AACS: variants seen among roughly 807,000 people sequenced by gnomAD.
The protein encoded by AACS is acetoacetyl-CoA synthetase.
AACS carries 69 observed loss-of-function variants against 83.1 expected under a neutral mutation model. The observed-to-expected ratio is 0.83, with a 90% CI of 0.68 to 1.01. The LOEUF is 1.01. AACS is among the 50% of genes least tolerant of loss of function. The pLI is 0.00. For synonymous variants in AACS, 333 were observed against 343.4 expected, an observed-to-expected ratio of 0.97 and a Z score of 0.33; for missense variants, 866 against 882.2, an observed-to-expected ratio of 0.98 and a Z score of 0.23.
intron 14 of AACS, among the ~76,000 whole-genome samples, 165 bp from the exon 15 acceptor site, chr12:125,133,838 G>A (rs1353801326): frequency 1.3e-5 from 2 of 152,240 alleles, no homozygotes; most frequent in African/African-American, 2.4e-5. Flanking sequence ...TAGAGGGCAT[G>A]TTCCTTGGGG....
chr12:125,122,031 G>T (rs1342343585), intron 10 of AACS: 6 of 152,310 alleles, frequency 3.9e-5, no homozygotes, highest in Non-Finnish European at 5.9e-5. Flanking sequence ...GGGAGTCCTC[G>T]AGAGTCCTCG....
At chr12:125,115,724 C>T (rs1957041978) in intron 9 of AACS, among the ~76,000 whole-genome samples, 2 of 151,798 alleles carry the variant, frequency 1.3e-5, no homozygotes, top group Non-Finnish European at 2.9e-5. Flanking sequence ...GAGTATCAGA[C>T]CCCCCACCCA....
intron 1 of AACS, among the ~76,000 whole-genome samples, chr12:125,069,746 T>A (rs1955808688): frequency 6.6e-6 from 1 of 152,200 alleles, no homozygotes. Context: ...GCACGTCGGC[T>A]CTCTGTGCAA....
intron 3 of AACS, among the ~76,000 whole-genome samples, chr12:125,080,325 TA>T (rs893158480): frequency 2.0e-5 from 3 of 151,884 alleles, no homozygotes; most frequent in Admixed American, 6.6e-5. Flanking sequence ...TGTGAATCCT[TA>T]AAAAAAACCC....
chr12:125,068,939 A>C lies in AACS; in HGVS notation c.133+3222A>C, dbSNP rs537067625. 2.5e-4 allele frequency among the ~76,000 whole-genome samples: 38 copies of C among 151,644 alleles called. No individual in the cohort carries two copies. In the South Asian group the frequency reaches 2.7e-3, roughly 11 times the overall value. On this transcript the variant is annotated intron_variant, in intron 1 of 17. Transcript: ENST00000316519. The stretch of plus-strand genomic sequence containing the variant: ...ACTGCAACCTCCGCCTCCCGGGTTC[A>C]AGCAGTTCTCCTGCCTCAGCCTCCT...
Position 125,124,949 on chromosome 12 carries a change from T to C in AACS, c.1234T>C (p.Ser412Pro). Residue 412 changes from serine to proline, a missense_variant, in exon 12 of 18, where the codon TCC becomes CCC. By Grantham distance (74) the Ser-to-Pro change is moderately conservative. Transcript: ENST00000316519. ...GCTCCACACGATCCTGTCCACTGGC[T>C]CCCCACTGAAAGCCCAGAGCTACGA... ...QMLHTILSTGSPLKAQSYEYV... is the reference protein window; with the variant it reads ...QMLHTILSTGPPLKAQSYEYV... The C allele has an allele frequency of 6.2e-7, 1 of 1,614,180 alleles. No homozygotes were observed. Among genetic ancestry groups the C allele is most frequent in the Non-Finnish European group, 8.5e-7 (1 of 1,180,028 alleles).
intron 7 of AACS, among the ~76,000 whole-genome samples, chr12:125,104,858 G>A (rs913895650): frequency 5.9e-5 from 9 of 152,192 alleles, no homozygotes; most frequent in Admixed American, 4.6e-4. Context: ...TATAAGAAAA[G>A]AGGTTTAATT....
intron 9 of AACS, among the ~76,000 whole-genome samples, chr12:125,115,846 T>C (rs1957044056): frequency 6.6e-6 from 1 of 151,810 alleles, no homozygotes; most frequent in South Asian, 2.1e-4. Context: ...GACAGACCCC[T>C]GGGATTACAC....
intron 8 of AACS, among the ~76,000 whole-genome samples, chr12:125,110,189 TTGTGTGTGTGTGTGTGTG>T (rs59856503): frequency 0.023 from 2,778 of 118,982 alleles, 91 homozygotes; most frequent in African/African-American, 0.059. Flanking sequence ...CCGGCTAAGT[TTGTGTGTGTGTGTGTGTG>T]TGTGTGTGTG....
In AACS at chr12:125,107,259, T is replaced by G; in HGVS notation, c.906T>G (p.His302Gln). The change falls in exon 8 of 18, where the codon CAT (histidine) becomes CAG (glutamine). Residue 302 changes from histidine to glutamine, a missense_variant. Physicochemically the swap from His to Gln is conservative, Grantham distance 24. Coordinates refer to ENST00000316519, the MANE Select transcript of AACS (RefSeq NM_023928.5). Reference sequence around the variant, plus strand: ...CGGGCGCACCCAAGTGCATGGTGCATTCCGCTGGGGTAGGTCTCTGGGGAA... The same window carrying G: ...CGGGCGCACCCAAGTGCATGGTGCAGTCCGCTGGGGTAGGTCTCTGGGGAA... ...GTTGAPKCMVHSAGGTLIQHL... is the reference protein window; with the variant it reads ...GTTGAPKCMVQSAGGTLIQHL... 3 of 1,613,750 alleles carry G rather than the reference T, an allele frequency of 1.9e-6. No individual in the cohort carries two copies. The highest frequency in any genetic ancestry group is 2.5e-6 in the Non-Finnish European group (3 of 1,180,006).
intron 8 of AACS, among the ~76,000 whole-genome samples, chr12:125,108,272 C>T (rs1035955687): frequency 2.6e-5 from 4 of 152,232 alleles, no homozygotes; most frequent in Admixed American, 6.5e-5. Flanking sequence ...AGGTGCCGCA[C>T]AGTTGCTCTT....
At chr12:125,136,377 A>G (rs1269444758) in intron 16 of AACS, among the ~76,000 whole-genome samples, 1 of 152,026 alleles carries the variant, frequency 6.6e-6, no homozygotes, top group Non-Finnish European at 1.5e-5. Flanking sequence ...TTAATTTCTC[A>G]TTAAGTAAGG....
intron 1 of AACS, among the ~76,000 whole-genome samples, chr12:125,066,450 ATT>A (rs34299644): frequency 3.7e-5 from 4 of 106,902 alleles, no homozygotes; most frequent in African/African-American, 7.5e-5. Flanking sequence ...TTCCTAGGGG[ATT>A]TTTTTTTTTT....
At chr12:125,124,664 T>C in intron 10 of AACS, 41 bp from the exon 11 acceptor site, 2 of 1,609,930 alleles carry the variant, frequency 1.2e-6, no homozygotes, top group South Asian at 1.1e-5. Context: ...TGCAAGAGCC[T>C]TGAAGAGTTT....
At chr12:125,085,695 G>C (rs868492622) in intron 3 of AACS, among the ~76,000 whole-genome samples, 4 of 152,120 alleles carry the variant, frequency 2.6e-5, no homozygotes, top group African/African-American at 9.7e-5. Context: ...TGGGTGAGGG[G>C]GACATGGGAC....
chr12:125,084,100 A>G (rs75935935), intron 3 of AACS, among the ~76,000 whole-genome samples: 152,186 of 152,186 alleles, frequency 1, 76,093 homozygotes, highest in Non-Finnish European at 1. Context: ...GTTCGAGGTC[A>G]CTGGATCACC....
At chr12:125,078,032 A>G (rs1031065743) in intron 3 of AACS, 3 of 410,724 alleles carry the variant, frequency 7.3e-6, no homozygotes, top group African/African-American at 6.2e-5. Context: ...TTTTATTAGA[A>G]GCCAGAGAAA....
chr12:125,114,129 T>C (rs1957005651), intron 8 of AACS, among the ~76,000 whole-genome samples: 1 of 151,902 alleles, frequency 6.6e-6, no homozygotes, highest in Non-Finnish European at 1.5e-5. Flanking sequence ...CTTTTGCTCG[T>C]TGACTCTCTT....
intron 2 of AACS, among the ~76,000 whole-genome samples, 166 bp downstream of exon 2, chr12:125,074,145 G>A (rs1955954288): frequency 1.3e-5 from 2 of 152,176 alleles, no homozygotes; most frequent in African/African-American, 4.8e-5. Context: ...AGACCTCATC[G>A]AGAACTTTGC....
Sources: allele counts gnomAD v4.1 joint callset (sites outside exome capture counted in the v4.1 genomes callset), GRCh38; gene constraint gnomAD v4.1.1; transcripts MANE v1.5; gene names NCBI Gene and HGNC (gene_info 2026-07-23, HGNC 2026-07-21).